Variants in SLC25A21 observed in about 807,000 individuals in gnomAD.
SLC25A21 encodes mitochondrial 2-oxodicarboxylate carrier.
SLC25A21 carries 47 observed loss-of-function variants against 43.8 expected under a neutral mutation model. The ratio of observed to expected loss-of-function variants is 1.07; its 90% CI spans 0.85 to 1.37. SLC25A21 has a LOEUF of 1.37. Ranked by LOEUF, SLC25A21 falls within the 40% of genes most tolerant of loss-of-function variation. SLC25A21 has a pLI of 0.00. For synonymous variants in SLC25A21, 131 were observed against 121.3 expected, an observed-to-expected ratio of 1.08 and a Z score of -0.52; for missense variants, 352 against 350.2, an observed-to-expected ratio of 1.00 and a Z score of -0.04.
chr14:36,692,921 T>G (rs1419836847), intron 7 of SLC25A21, among the ~76,000 whole-genome samples: 1 of 152,222 alleles, frequency 6.6e-6, no homozygotes, highest in Non-Finnish European at 1.5e-5. Context: ...AATAGGGTGG[T>G]CCTACAAGGA....
At chr14:36,810,449 T>G (rs1000262412) in intron 3 of SLC25A21, among the ~76,000 whole-genome samples, 4 of 152,188 alleles carry the variant, frequency 2.6e-5, no homozygotes, top group African/African-American at 7.2e-5. Context: ...ATTGGCTATG[T>G]AATAAACTAT....
Position 37,026,914 on chromosome 14 carries a change from C to T in SLC25A21, c.70+145367G>A, listed in dbSNP as rs111585566. 1.2e-3 allele frequency among the ~76,000 whole-genome samples: 184 copies of T among 152,170 alleles called. 2 individuals are homozygous for T. The highest frequency in any genetic ancestry group is 3.8e-3 in the African/African-American group (158 of 41,514). On this transcript the variant is annotated intron_variant, in intron 1 of 9. Transcript: ENST00000331299. ...ACAGAGAACCTACTGTCTTGCCAGG[C>T]TCCATTTATTTAAAGACTACATACA...
intron 1 of SLC25A21, among the ~76,000 whole-genome samples, chr14:36,959,757 C>A (rs1959442578): frequency 6.6e-6 from 1 of 152,168 alleles, no homozygotes; most frequent in Admixed American, 6.5e-5. Flanking sequence ...GTTGGCTGTT[C>A]CCATGCTTTT....
At chr14:36,928,124 C>T (rs556792440) in intron 1 of SLC25A21, among the ~76,000 whole-genome samples, 3 of 152,240 alleles carry the variant, frequency 2.0e-5, no homozygotes, top group South Asian at 2.1e-4. Context: ...TGGCCTCTCC[C>T]GCGAAGAGGT....
chr14:36,998,530 C>T (rs191142830), intron 1 of SLC25A21, among the ~76,000 whole-genome samples: 165 of 152,176 alleles, frequency 1.1e-3, no homozygotes, highest in South Asian at 9.8e-3. Context: ...AACCACACTC[C>T]ATAAATATCT....
chr14:36,983,769 G>A (rs996178415), intron 1 of SLC25A21, among the ~76,000 whole-genome samples: 3 of 152,056 alleles, frequency 2.0e-5, no homozygotes, highest in Non-Finnish European at 4.4e-5. Context: ...TAAAGAAAAC[G>A]TGTGGTATAT....
At chr14:36,859,203 TA>T (rs1457304664) in intron 2 of SLC25A21, among the ~76,000 whole-genome samples, 1 of 152,348 alleles carries the variant, frequency 6.6e-6, no homozygotes, top group African/African-American at 2.4e-5. Flanking sequence ...TTAGGATACC[TA>T]AACAATCTTG....
chr14:36,792,149 C>A (rs1887508083), intron 3 of SLC25A21, among the ~76,000 whole-genome samples: 1 of 152,068 alleles, frequency 6.6e-6, no homozygotes, highest in Non-Finnish European at 1.5e-5. Context: ...TATTTCCCCA[C>A]AGAACTGTAT....
intron 1 of SLC25A21, among the ~76,000 whole-genome samples, chr14:37,166,770 A>C (rs1964036039): frequency 6.6e-6 from 1 of 152,212 alleles, no homozygotes; most frequent in South Asian, 2.1e-4. Context: ...CAATAGGTAG[A>C]GATATATCTT....
chr14:36,892,405 A>T (rs1304463613), intron 1 of SLC25A21, among the ~76,000 whole-genome samples: 3 of 152,190 alleles, frequency 2.0e-5, no homozygotes, highest in Non-Finnish European at 4.4e-5. Flanking sequence ...GAACGGATAC[A>T]GGAAATGTGG....
chr14:37,148,725 C>A (rs1360165016), intron 1 of SLC25A21, among the ~76,000 whole-genome samples: 2 of 152,126 alleles, frequency 1.3e-5, no homozygotes, highest in African/African-American at 4.8e-5. Context: ...ACAAAATAAA[C>A]ATGACTTGGT....
intron 1 of SLC25A21, among the ~76,000 whole-genome samples, chr14:36,988,453 G>A (rs1429154592): frequency 6.6e-6 from 1 of 152,136 alleles, no homozygotes; most frequent in African/African-American, 2.4e-5. Flanking sequence ...AAAGTATGGG[G>A]CCTTCAAAAC....
Position 36,679,776 on chromosome 14 carries a change from A to C in SLC25A21, c.*882T>G. ...GCTGAATAAAGGTATTTGGATGCAA[A>C]TACTGATGGCTGACAAATGGGTCCA... On this transcript the variant is annotated 3_prime_UTR_variant, in exon 10 of 10. Coordinates refer to ENST00000331299, the MANE Select transcript of SLC25A21 (RefSeq NM_030631.4). 2 of 985,368 alleles carry C rather than the reference A, an allele frequency of 2.0e-6. No individual in the cohort carries two copies. The highest frequency in any genetic ancestry group is 2.4e-6 in the Non-Finnish European group (2 of 829,846). The allele number at this position is 985,368 out of a possible 1,614,324, so 61.0% of individuals were successfully genotyped here.
At chr14:37,137,277 G>A (rs902357488) in intron 1 of SLC25A21, among the ~76,000 whole-genome samples, 5 of 152,144 alleles carry the variant, frequency 3.3e-5, no homozygotes, top group Admixed American at 1.3e-4. Context: ...GATTACAGGC[G>A]TGAGCCACCG....
At chr14:37,126,641 A>G (rs181570787) in intron 1 of SLC25A21, among the ~76,000 whole-genome samples, 1 of 152,288 alleles carries the variant, frequency 6.6e-6, no homozygotes, top group Non-Finnish European at 1.5e-5. Context: ...CTACTGGCAC[A>G]TTGATTTCCA....
At chr14:36,871,473 C>G (rs929843420) in intron 2 of SLC25A21, among the ~76,000 whole-genome samples, 2 of 150,700 alleles carry the variant, frequency 1.3e-5, no homozygotes, top group Non-Finnish European at 2.9e-5. Flanking sequence ...TTGTATCAGA[C>G]ATGAAATCCT....
chr14:36,744,963 A>C (rs1379369150), intron 3 of SLC25A21, among the ~76,000 whole-genome samples: 1 of 151,782 alleles, frequency 6.6e-6, no homozygotes, highest in South Asian at 2.1e-4. Context: ...GCACCCATTA[A>C]CTCATCATTT....
chr14:36,852,703 C>CTTCTTTGGAGTCTTGGTCTTCTTTGGAG (rs1246743497), intron 2 of SLC25A21, among the ~76,000 whole-genome samples: 1 of 151,960 alleles, frequency 6.6e-6, no homozygotes, highest in African/African-American at 2.4e-5. Flanking sequence ...AGAGCTTGGT[C>CTTCTTTGGAGTCTTGGTCTTCTTTGGAG]ATGGTATTCT....
intron 3 of SLC25A21, among the ~76,000 whole-genome samples, chr14:36,780,747 T>C (rs1039909997): frequency 3.9e-5 from 6 of 152,096 alleles, no homozygotes; most frequent in South Asian, 2.1e-4. Flanking sequence ...GCATAATATA[T>C]AATCTATCTG....
Sources: allele counts gnomAD v4.1 joint callset (sites outside exome capture counted in the v4.1 genomes callset), GRCh38; gene constraint gnomAD v4.1.1; transcripts MANE v1.5; gene names NCBI Gene and HGNC (gene_info 2026-07-23, HGNC 2026-07-21).